The following AKAP19 variants were observed in gnomAD, a reference collection of about 807,000 sequenced individuals.
AKAP19 encodes the protein A-kinase anchoring protein 19, also known as small A-kinase anchoring protein.
chr2:190,173,331 T>C, the AKAP19 span, among the ~76,000 whole-genome samples: 1 of 152,174 alleles, frequency 6.6e-6, no homozygotes, highest in Non-Finnish European at 1.5e-5. Context: ...AATTCATGAG[T>C]ACCAATTCAT....
At chr2:189,979,479 A>G in the AKAP19 span, among the ~76,000 whole-genome samples, 1 of 152,150 alleles carries the variant, frequency 6.6e-6, no homozygotes, top group African/African-American at 2.4e-5. Flanking sequence ...AAATGTCCTA[A>G]AAGAAAAAGT....
At chr2:190,016,686 AC>A in the AKAP19 span, among the ~76,000 whole-genome samples, 1 of 152,200 alleles carries the variant, frequency 6.6e-6, no homozygotes, top group Non-Finnish European at 1.5e-5. Context: ...ATTTGTTCAC[AC>A]TTGTTTTGTG....
chr2:189,917,436 T>C, the AKAP19 span: 1 of 772,590 alleles, frequency 1.3e-6, no homozygotes, highest in Non-Finnish European at 2.2e-6. Flanking sequence ...GTCTGTTTTT[T>C]TTCTAGCTCG....
the AKAP19 span, among the ~76,000 whole-genome samples, chr2:190,037,324 G>A: frequency 1.3e-5 from 2 of 152,194 alleles, no homozygotes; most frequent in Non-Finnish European, 2.9e-5. Context: ...TTTAGACATA[G>A]CCTATATCTT....
At chr2:189,958,371 C>T in the AKAP19 span, among the ~76,000 whole-genome samples, 1 of 151,826 alleles carries the variant, frequency 6.6e-6, no homozygotes, top group East Asian at 1.9e-4. Context: ...CTGAGAATAT[C>T]AAACATTGAC....
the AKAP19 span, among the ~76,000 whole-genome samples, chr2:190,041,017 G>C: frequency 1.3e-5 from 2 of 152,200 alleles, no homozygotes; most frequent in Middle Eastern, 3.4e-3. Flanking sequence ...CTCTTTTTGG[G>C]TTCCATATGA....
the AKAP19 span, among the ~76,000 whole-genome samples, chr2:190,130,958 C>T: frequency 2.0e-5 from 3 of 152,088 alleles, no homozygotes; most frequent in African/African-American, 7.2e-5. Context: ...TAGATATGAT[C>T]ATTTTGCTGT....
At chr2:189,911,451 G>A in the AKAP19 span, among the ~76,000 whole-genome samples, 1 of 152,066 alleles carries the variant, frequency 6.6e-6, no homozygotes, top group South Asian at 2.1e-4. Context: ...TTTATTATTT[G>A]ATAAGTGGTT....
chr2:189,963,713 A>G, the AKAP19 span, among the ~76,000 whole-genome samples: 1 of 152,074 alleles, frequency 6.6e-6, no homozygotes, highest in Non-Finnish European at 1.5e-5. Flanking sequence ...TACTTTGCCC[A>G]GGTCCATCAG....
At chr2:190,157,395 T>TAC in the AKAP19 span, among the ~76,000 whole-genome samples, 1 of 24,974 alleles carries the variant, frequency 4.0e-5, no homozygotes, top group East Asian at 2.9e-3. Flanking sequence ...CACACACACA[T>TAC]ATCACAGGAT....
chr2:190,156,060 C>A, the AKAP19 span, among the ~76,000 whole-genome samples: 1 of 151,902 alleles, frequency 6.6e-6, no homozygotes, highest in East Asian at 1.9e-4. Flanking sequence ...TGAGGAGTGA[C>A]CTGCCTCACT....
the AKAP19 span, among the ~76,000 whole-genome samples, chr2:190,090,017 ACTACT>A: frequency 7.4e-4 from 112 of 152,028 alleles, no homozygotes; most frequent in African/African-American, 2.5e-3. Flanking sequence ...CTTTCCCCAA[ACTACT>A]CTACTTAACC....
At chr2:190,192,577 C>T in the AKAP19 span, among the ~76,000 whole-genome samples, 1 of 151,618 alleles carries the variant, frequency 6.6e-6, no homozygotes, top group African/African-American at 2.4e-5. Context: ...TACAGAAAAG[C>T]CTGCTGGAAT....
chr2:190,133,787 T>C, the AKAP19 span, among the ~76,000 whole-genome samples: 3 of 151,820 alleles, frequency 2.0e-5, no homozygotes, highest in African/African-American at 7.3e-5. Context: ...TCTAGGAGAG[T>C]TGAACTCATA....
At chr2:190,075,536 A>T in the AKAP19 span, among the ~76,000 whole-genome samples, 1 of 152,064 alleles carries the variant, frequency 6.6e-6, no homozygotes, top group African/African-American at 2.4e-5. Context: ...CATATTTAGG[A>T]TTGTTATGTT....
At chr2:190,063,405 A>G in the AKAP19 span, among the ~76,000 whole-genome samples, 2 of 152,058 alleles carry the variant, frequency 1.3e-5, no homozygotes, top group Non-Finnish European at 2.9e-5. Context: ...ACTGAGTGCT[A>G]TTATTTCCTA....
chr2:190,040,058 C>T, the AKAP19 span, among the ~76,000 whole-genome samples: 5 of 152,176 alleles, frequency 3.3e-5, no homozygotes, highest in Non-Finnish European at 2.9e-5. Context: ...ATTGCTGGCT[C>T]AAATGGTAGT....
At chr2:189,898,928 A>G in the AKAP19 span, among the ~76,000 whole-genome samples, 1 of 152,186 alleles carries the variant, frequency 6.6e-6, no homozygotes, top group South Asian at 2.1e-4. Flanking sequence ...CAAGCACTTT[A>G]TAGTCTGACC....
At chr2:189,933,404 G>C in the AKAP19 span, among the ~76,000 whole-genome samples, 1 of 151,906 alleles carries the variant, frequency 6.6e-6, no homozygotes, top group Non-Finnish European at 1.5e-5. Flanking sequence ...CCCAAGGAAG[G>C]GCCCACCTTC....
Sources: gnomAD v4.1 joint callset for allele counts (sites outside exome capture counted in the v4.1 genomes callset) on GRCh38, gnomAD v4.1.1 for gene constraint, MANE v1.5 for transcripts, NCBI Gene and HGNC (gene_info 2026-07-23, HGNC 2026-07-21) for gene names.